The following PCDHGB3 variants were observed in gnomAD, a reference collection of about 807,000 sequenced individuals.
The protein encoded by PCDHGB3 is protocadherin gamma subfamily B, 3.
PCDHGB3 carries 40 observed loss-of-function variants against 59.2 expected under a neutral mutation model. The ratio of observed to expected loss-of-function variants is 0.68; its 90% CI spans 0.52 to 0.88. The LOEUF is 0.88. Among genes scored for constraint, PCDHGB3 ranks in the 40% least tolerant of loss-of-function variants. PCDHGB3 has a pLI of 0.00. For missense variants in PCDHGB3, 1,309 were observed against 1,187.9 expected, an observed-to-expected ratio of 1.10 and a Z score of -1.50; for synonymous variants, 581 against 503.6, an observed-to-expected ratio of 1.15 and a Z score of -2.06.
Position 141,489,111 on chromosome 5 carries a change from C to T in PCDHGB3, c.2416-5696C>T. The T allele has an allele frequency of 1.9e-6, 1 of 518,040 alleles. No individual in the cohort carries two copies. Among genetic ancestry groups the T allele is most frequent in the African/African-American group, 1.9e-5 (1 of 51,336 alleles). The allele number at this position is 518,040 out of a possible 1,614,324, so 32.1% of individuals were successfully genotyped here. ...GTGACTAAGAACTGCTGCAAGCAGG[C>T]AAACCTCCGAGCAGTTTTTAAGAGG... On this transcript the variant is annotated intron_variant, in intron 1 of 3. Transcript: ENST00000576222. This position sits in a 1 kb window ranked among gnomAD's most constrained non-coding sequence, Gnocchi z 4.5.
intron 1 of PCDHGB3, chr5:141,389,423 C>T: frequency 1.9e-6 from 3 of 1,613,516 alleles, no homozygotes; most frequent in Admixed American, 1.7e-5. Context: ...GGGTGGTGTT[C>T]GCGCAGCGCG....
chr5:141,510,840 A>C (rs2099882997), intron 3 of PCDHGB3, 107 bp from the exon 4 acceptor site: 1 of 1,588,450 alleles, frequency 6.3e-7, no homozygotes, highest in Non-Finnish European at 8.6e-7. Context: ...CAGCGTGGTC[A>C]AGGCCCAGGG....
rs766835008 is a variant in PCDHGB3, at chr5:141,370,979, A to G, written c.585A>G (p.Val195=). The G allele has an allele frequency of 3.7e-6, 6 of 1,613,990 alleles. 1 individual carries two copies. In the Admixed American group the frequency reaches 6.7e-5, roughly 18 times the overall value. The change falls in exon 1 of 4, where the codon GTA becomes GTG. Residue 195 remains valine, a synonymous_variant. Coordinates refer to ENST00000576222, the MANE Select transcript of PCDHGB3 (RefSeq NM_018924.5). ...ATGGCAGTAGGTACCCAGAGCTAGT[A>G]CTGAAAGCACCCCTGGACAGGGAAG... ...NLDGSRYPEL[V]LKAPLDREEQ... is the part of the protein sequence containing the mutation.
chr5:141,382,728 C>T, intron 1 of PCDHGB3: 1 of 545,686 alleles, frequency 1.8e-6, no homozygotes. Context: ...AGTTTTACAG[C>T]ACAGAGAAAC....
chr5:141,394,705 C>T lies in PCDHGB3; in HGVS notation c.2415+21896C>T, dbSNP rs1245348426. 6.2e-7 allele frequency: 1 copy of T among 1,613,256 alleles called. No individual in the cohort carries two copies. The highest frequency in any genetic ancestry group is 1.7e-5 in the Admixed American group (1 of 60,012). ...ACGGGCGAGGTGCGCACGGCGCGAG[C>T]CCTGCTGGACAGAGATGCGCTCAAG... On this transcript the variant is annotated intron_variant, in intron 1 of 3. Coordinates refer to ENST00000576222, the MANE Select transcript of PCDHGB3 (RefSeq NM_018924.5).
intron 1 of PCDHGB3, chr5:141,384,848 G>C (rs1373934020): frequency 1.2e-6 from 2 of 1,613,600 alleles, no homozygotes; most frequent in South Asian, 2.2e-5. Flanking sequence ...CAGGACCACG[G>C]TCAGCCTCCT....
At chr5:141,384,580 G>C in intron 1 of PCDHGB3, 1 of 1,614,196 alleles carries the variant, frequency 6.2e-7, no homozygotes, top group Non-Finnish European at 8.5e-7. Flanking sequence ...CAACCCGCCC[G>C]AGATCCTGTA....
chr5:141,463,135 C>G (rs1352400365), intron 1 of PCDHGB3, among the ~76,000 whole-genome samples: 1 of 152,128 alleles, frequency 6.6e-6, no homozygotes, highest in African/African-American at 2.4e-5. Flanking sequence ...GGCAGTTCTT[C>G]GCCCAGCTGC....
chr5:141,423,656 A>G (rs988976310), intron 1 of PCDHGB3: 2 of 1,571,854 alleles, frequency 1.3e-6, no homozygotes, highest in African/African-American at 1.4e-5. Context: ...CCGACAAGTA[A>G]TCAGGTGAGA....
chr5:141,506,870 G>A (rs2099856877), intron 3 of PCDHGB3, among the ~76,000 whole-genome samples: 1 of 152,166 alleles, frequency 6.6e-6, no homozygotes, highest in East Asian at 1.9e-4. Flanking sequence ...GGTGGGTAGA[G>A]AACCAGGTGA....
Position 141,477,827 on chromosome 5 carries a change from C to T in PCDHGB3, c.2416-16980C>T, listed in dbSNP as rs2099419143. On this transcript the variant is annotated intron_variant, in intron 1 of 3. Coordinates refer to ENST00000576222, the MANE Select transcript of PCDHGB3 (RefSeq NM_018924.5). The surrounding 1 kb of genome is among the most constrained non-coding windows in gnomAD (Gnocchi z 4.9). ...CAATGCCCCCCAGGTCCTATATCCT[C>T]GGCCAGGTGGGAGCTCGGTGGAGAT... The T allele has an allele frequency of 1.2e-6, 2 of 1,614,038 alleles. No individual in the cohort carries two copies. Among genetic ancestry groups the T allele is most frequent in the African/African-American group, 1.3e-5 (1 of 74,928 alleles).
In PCDHGB3 at chr5:141,405,069, C is replaced by T. The variant is rs200974828; in HGVS notation, c.2415+32260C>T. On this transcript the variant is annotated intron_variant, in intron 1 of 3. Coordinates refer to ENST00000576222, the MANE Select transcript of PCDHGB3 (RefSeq NM_018924.5). ...GCAGTCGTCTCCTGTGTCTTCCTCA[C>T]CTTCGTTATCACGCTGCTGGCCCTC... is the stretch of plus-strand genomic sequence containing the variant. 1.3e-4 allele frequency: 215 copies of T among 1,613,758 alleles called. No individual in the cohort carries two copies. The highest frequency in any genetic ancestry group is 1.7e-4 in the Non-Finnish European group (203 of 1,179,762).
chr5:141,384,340 A>C (rs970369905), intron 1 of PCDHGB3: 6 of 1,613,856 alleles, frequency 3.7e-6, no homozygotes, highest in South Asian at 1.1e-5. Context: ...GGACCACGAC[A>C]GTGAGGATAA....
chr5:141,404,894 G>C (rs772084097), intron 1 of PCDHGB3: 1 of 1,613,878 alleles, frequency 6.2e-7, no homozygotes, highest in South Asian at 1.1e-5. Flanking sequence ...GGCTGTACAG[G>C]ACCATGGCCA....
chr5:141,399,755 G>A (rs1420211451), intron 1 of PCDHGB3: 1 of 1,613,232 alleles, frequency 6.2e-7, no homozygotes, highest in African/African-American at 1.3e-5. Context: ...GCAAACGTGA[G>A]CCTGCGCGTG....
intron 1 of PCDHGB3, chr5:141,376,596 T>C: frequency 6.5e-7 from 1 of 1,549,136 alleles, no homozygotes; most frequent in South Asian, 1.2e-5. Flanking sequence ...GATCGGCTGT[T>C]ATAGAAGCGA....
intron 1 of PCDHGB3, chr5:141,442,107 C>A: frequency 6.0e-6 from 1 of 166,198 alleles, no homozygotes; most frequent in Non-Finnish European, 1.3e-5. Flanking sequence ...CCACCACTAC[C>A]GCCCCTCGTC....
chr5:141,375,344 A>G lies in PCDHGB3; in HGVS notation c.2415+2535A>G, dbSNP rs777877762. 4 of 1,613,836 alleles carry G rather than the reference A, an allele frequency of 2.5e-6. No individual in the cohort carries two copies. The Admixed American group carries it at 6.7e-5, about 27-fold the overall frequency. Reference sequence around the variant, plus strand: ...GGAAGAGGTATTCTTGTACAACATCACTGTGACAGCCACGGACAAAGGAAC... The same window carrying G: ...GGAAGAGGTATTCTTGTACAACATCGCTGTGACAGCCACGGACAAAGGAAC... On this transcript the variant is annotated intron_variant, in intron 1 of 3. Coordinates refer to ENST00000576222, the MANE Select transcript of PCDHGB3 (RefSeq NM_018924.5).
chr5:141,409,023 A>G, intron 1 of PCDHGB3: 4 of 1,614,044 alleles, frequency 2.5e-6, no homozygotes, highest in Non-Finnish European at 3.4e-6. Flanking sequence ...GAGGGGGTCA[A>G]TGCTGAGATA....
Sources: allele counts gnomAD v4.1 joint callset (sites outside exome capture counted in the v4.1 genomes callset), GRCh38; gene constraint gnomAD v4.1.1; non-coding constraint Gnocchi (gnomAD v3.1); transcripts MANE v1.5; gene names NCBI Gene and HGNC (gene_info 2026-07-23, HGNC 2026-07-21).